Variants in NCOR1 observed in about 807,000 individuals in gnomAD.
The protein encoded by NCOR1 is nuclear receptor corepressor 1.
A neutral mutation model predicts 288.1 loss-of-function variants in NCOR1; 63 were observed. That is an observed-to-expected ratio of 0.22 (90% CI 0.18 to 0.27). The LOEUF is 0.27. Ranked by LOEUF, NCOR1 falls within the 10% of genes least tolerant of loss-of-function variation. The probability of loss-of-function intolerance (pLI) is 1.00; values close to 1 mark genes in which losing one functional copy is unlikely to be tolerated. For synonymous variants in NCOR1, 1,007 were observed against 1,065.9 expected (o/e 0.94, Z 1.08); for missense variants, 2,397 against 3,019.2 (o/e 0.79, Z 4.83).
At chr17:16,183,066 C>A (rs1405999585) in intron 3 of NCOR1, among the ~76,000 whole-genome samples, 4 of 151,480 alleles carry the variant, frequency 2.6e-5, no homozygotes, top group African/African-American at 9.7e-5. Flanking sequence ...GAAAATTCCA[C>A]AACTAACATC....
Position 16,121,062 on chromosome 17 carries a change from T to C in NCOR1, c.1842A>G (p.Pro614=). The change falls in exon 16 of 46, where the codon CCA becomes CCG. Residue 614 remains proline (P), a synonymous_variant. Transcript: ENST00000268712. ...ATTGTTTCCACTCACTGGGTTCTGG[T>C]GGCGGTGGCAGAGGTGGTGGGGGCT... ...TEEPPPPLPP[P]PEPISTEPVE... is the part of the protein sequence containing the mutation. 1 of 1,613,278 alleles carries C rather than the reference T, an allele frequency of 6.2e-7. No homozygotes were observed. The highest frequency in any genetic ancestry group is 1.1e-5 in the South Asian group (1 of 90,950).
chr17:16,060,982 T>C (rs2060491428), intron 37 of NCOR1, among the ~76,000 whole-genome samples: 1 of 152,212 alleles, frequency 6.6e-6, no homozygotes, highest in African/African-American at 2.4e-5. Flanking sequence ...TAATAGGTAG[T>C]CTCACTTTTA....
rs2076972269 is a variant in NCOR1, at chr17:16,140,326, G to GT, written c.1174-1141dup. Among the ~76,000 whole-genome samples the GT allele has an allele frequency of 2.0e-5, 3 of 152,346 alleles. No homozygotes were observed. In the South Asian group the frequency reaches 6.2e-4, roughly 32 times the overall value. ...GAGGTAATTTTAAAAGCAATATAGA[G>GT]TAAGTGGTTATGTTTTAAAGCTCTT... On this transcript the variant is annotated intron_variant, in intron 11 of 45. Coordinates refer to ENST00000268712, the MANE Select transcript of NCOR1 (RefSeq NM_006311.4).
chr17:16,063,328 C>T (rs1003661461), intron 35 of NCOR1, among the ~76,000 whole-genome samples: 1 of 151,986 alleles, frequency 6.6e-6, no homozygotes, highest in African/African-American at 2.4e-5. Context: ...TACAGGTGCA[C>T]ACCACGGCTG....
chr17:16,033,759 T>C (rs561548026), intron 45 of NCOR1, among the ~76,000 whole-genome samples: 2 of 152,298 alleles, frequency 1.3e-5, no homozygotes, highest in African/African-American at 4.8e-5. Context: ...TGGAGTATTG[T>C]TTTTCATCAG....
At chr17:16,135,170 A>AG (rs2076216280) in intron 14 of NCOR1, among the ~76,000 whole-genome samples, 1 of 151,574 alleles carries the variant, frequency 6.6e-6, no homozygotes. Flanking sequence ...AAAAAAAAAA[A>AG]AAAAAAAAAA....
At position 16,030,810 on chromosome 17, in the gene NCOR1, T is replaced by G. The variant is rs1444373917; in HGVS notation, c.*1486A>C. 1 of 183,216 alleles carries G rather than the reference T, an allele frequency of 5.5e-6. No individual in the cohort carries two copies. The highest frequency in any genetic ancestry group is 1.2e-5 in the Non-Finnish European group (1 of 86,294). 11.3% of individuals were successfully genotyped at this position (183,216 alleles called of 1,614,324 possible). A position where few individuals can be genotyped will look rare whatever the true frequency, so the allele number is the denominator to read the frequency against. On this transcript the variant is annotated 3_prime_UTR_variant, in exon 46 of 46. Transcript: ENST00000268712. Reference sequence around the variant, plus strand: ...CTGTAACATAGGGATTAGACACCAGTGATAGGAGGGTCTTGGTCAGTAGCT... The same window carrying G: ...CTGTAACATAGGGATTAGACACCAGGGATAGGAGGGTCTTGGTCAGTAGCT...
chr17:16,053,421 G>A (rs1319758350), intron 40 of NCOR1, among the ~76,000 whole-genome samples: 2 of 151,978 alleles, frequency 1.3e-5, no homozygotes, highest in African/African-American at 4.8e-5. Flanking sequence ...AGCCAAATAA[G>A]GAATGCAATT....
At chr17:16,208,328 G>A (rs1352330876) in intron 1 of NCOR1, among the ~76,000 whole-genome samples, 5 of 149,138 alleles carry the variant, frequency 3.4e-5, no homozygotes, top group Non-Finnish European at 3.0e-5. Context: ...AAAGTGCTGG[G>A]ATTACAGGCG....
intron 6 of NCOR1, among the ~76,000 whole-genome samples, chr17:16,157,050 CCT>C (rs2079925186): frequency 6.6e-6 from 1 of 151,292 alleles, no homozygotes; most frequent in African/African-American, 2.4e-5. Flanking sequence ...TTATTTTATC[CCT>C]GAGGTCACAG....
rs2153152349 is a variant in NCOR1, at chr17:16,121,159, T to C, written c.1745A>G (p.Lys582Arg). Residue 582 changes from lysine to arginine, a missense_variant, in exon 16 of 46, where the codon AAG (lysine) becomes AGG (arginine). This residue lies in a region of NCOR1 where 113 missense variants were observed against 139.5 expected (regional missense o/e 0.81). Transcript: ENST00000268712. ...TGTCATGGACCTGGTGATCCGGCCC[T>C]TACGGCGGCCCTGACTGTTGGCAGT... is the stretch of plus-strand genomic sequence containing the variant. ...RKTANSQGRR[K>R]GRITRSMTNE... 1 of 1,614,174 alleles carries C rather than the reference T, an allele frequency of 6.2e-7. No individual in the cohort carries two copies. Among genetic ancestry groups the C allele is most frequent in the Non-Finnish European group, 8.5e-7 (1 of 1,180,032 alleles).
At chr17:16,166,910 A>G (rs1023951767) in intron 4 of NCOR1, among the ~76,000 whole-genome samples, 59 of 152,186 alleles carry the variant, frequency 3.9e-4, no homozygotes, top group African/African-American at 1.3e-3. Flanking sequence ...GAATGTTTAC[A>G]TATTTTTAAG....
At chr17:16,046,003 G>A (rs1483993638) in intron 42 of NCOR1, among the ~76,000 whole-genome samples, 5 of 152,038 alleles carry the variant, frequency 3.3e-5, no homozygotes, top group African/African-American at 9.7e-5. Flanking sequence ...TGTAGAGATG[G>A]GGTCTCCCTG....
At chr17:16,090,091 C>T (rs2064941092) in intron 22 of NCOR1, among the ~76,000 whole-genome samples, 1 of 149,898 alleles carries the variant, frequency 6.7e-6, no homozygotes, top group Admixed American at 6.6e-5. Context: ...AAATACAATT[C>T]ACAGTTTGGA....
In NCOR1 at chr17:16,101,747, G is replaced by C. The variant is rs2153000402; in HGVS notation, c.2193C>G (p.Val731=). ...ENPEDSEVEA[V]KPSEDSPENA... ...TTTCAGGACTGTCCTCGCTGGGCTT[G>C]ACAGCTTCAACTGGTGAAGGAGAAG... Residue 731 remains valine (V), a synonymous_variant, in exon 20 of 46, where the codon GTC becomes GTG. Transcript: ENST00000268712. The C allele has an allele frequency of 6.2e-7, 1 of 1,614,184 alleles. No individual in the cohort carries two copies. Among genetic ancestry groups the C allele is most frequent in the Non-Finnish European group, 8.5e-7 (1 of 1,180,040 alleles).
intron 3 of NCOR1, among the ~76,000 whole-genome samples, chr17:16,175,526 A>T (rs375647860): frequency 6.6e-6 from 1 of 152,230 alleles, no homozygotes; most frequent in African/African-American, 2.4e-5. Context: ...TTCGAACTTT[A>T]AAGAATTTTA....
intron 3 of NCOR1, among the ~76,000 whole-genome samples, chr17:16,174,544 C>T (rs2083725718): frequency 6.6e-6 from 1 of 152,186 alleles, no homozygotes; most frequent in Admixed American, 6.5e-5. Flanking sequence ...CAGGACAACT[C>T]AGAAAACAAT....
At chr17:16,050,720 T>C (rs1044164281) in intron 40 of NCOR1, among the ~76,000 whole-genome samples, 4 of 131,928 alleles carry the variant, frequency 3.0e-5, no homozygotes, top group African/African-American at 1.2e-4. Context: ...ACTCTGTAAA[T>C]AATCTTAAAC....
At chr17:16,034,630 T>C (rs1029985585) in intron 45 of NCOR1, 135 bp downstream of exon 45, 21 of 806,318 alleles carry the variant, frequency 2.6e-5, no homozygotes, top group Admixed American at 7.9e-5. Context: ...TTCGGGAAAG[T>C]GGAACATATT....
Sources: gnomAD v4.1 joint callset for allele counts (sites outside exome capture counted in the v4.1 genomes callset) on GRCh38, gnomAD v4.1.1 for gene constraint, gnomAD v4.1.1 regional missense constraint, MANE v1.5 for transcripts, NCBI Gene and HGNC (gene_info 2026-07-23, HGNC 2026-07-21) for gene names.